TMPRSS11D: variants seen among roughly 807,000 people sequenced by gnomAD.
The protein encoded by TMPRSS11D is transmembrane protease serine 11D.
In TMPRSS11D, 32 loss-of-function variants were observed where a neutral mutation model predicts 44.4. That is an observed-to-expected ratio of 0.72 (90% CI 0.54 to 0.97). The LOEUF (loss-of-function observed/expected upper bound fraction) is 0.97. TMPRSS11D is among the 50% of genes least tolerant of loss of function. The pLI, the probability that TMPRSS11D is intolerant of heterozygous loss-of-function variation, is 0.00. For synonymous variants in TMPRSS11D, 179 were observed against 177.9 expected (o/e 1.01, Z -0.05); for missense variants, 446 against 502.6 (o/e 0.89, Z 1.08).
intron 3 of TMPRSS11D, among the ~76,000 whole-genome samples, chr4:67,848,874 A>T (rs1225589636): frequency 6.6e-6 from 1 of 152,232 alleles, no homozygotes; most frequent in Admixed American, 6.5e-5. Context: ...ACAATGGGAA[A>T]CCATGGAAGT....
chr4:67,857,477 G>T (rs1419649203), intron 2 of TMPRSS11D, among the ~76,000 whole-genome samples: 2 of 151,912 alleles, frequency 1.3e-5, no homozygotes, highest in Admixed American at 1.3e-4. Context: ...AGCCAGGCAT[G>T]GTGGCTCATG....
At position 67,876,347 on chromosome 4, in the gene TMPRSS11D, T is replaced by C. The variant is rs968895306; in HGVS notation, c.8+7579A>G. ...AGATTCTGTTGTATGTTCAATAAAT[T>C]GTAAATTTGGTAGTCTTTCTATATG... On this transcript the variant is annotated intron_variant, in intron 1 of 9. Coordinates refer to ENST00000283916, the MANE Select transcript of TMPRSS11D (RefSeq NM_004262.3). 2.1e-4 allele frequency among the ~76,000 whole-genome samples: 32 copies of C among 152,258 alleles called. No individual in the cohort carries two copies. In the South Asian group the frequency reaches 3.9e-3, roughly 19 times the overall value.
chr4:67,873,615 G>T lies in TMPRSS11D; in HGVS notation c.8+10311C>A, dbSNP rs1719111115. ...TGGGTGAAATAAGTTGTTTAGTCCA[G>T]CACTTCTCAATTTTTAGTGGATATG... On this transcript the variant is annotated intron_variant, in intron 1 of 9. Coordinates refer to ENST00000283916, the MANE Select transcript of TMPRSS11D (RefSeq NM_004262.3). Among the ~76,000 whole-genome samples, 6 of 152,138 alleles carry T rather than the reference G, an allele frequency of 3.9e-5. No individual in the cohort carries two copies. The South Asian group carries it at 1.2e-3, about 31-fold the overall frequency.
Position 67,822,144 on chromosome 4 carries a change from T to G in TMPRSS11D, c.*193A>C. On this transcript the variant is annotated 3_prime_UTR_variant, in exon 10 of 10. Coordinates refer to ENST00000283916, the MANE Select transcript of TMPRSS11D (RefSeq NM_004262.3). ...CAGCCACAGTACTATGCAACATTCA[T>G]ATAGTTCTCTGGAGAAAATAGAAAA... 1.6e-6 allele frequency: 1 copy of G among 617,542 alleles called. No homozygotes were observed. The allele number at this position is 617,542 out of a possible 1,614,324, so 38.3% of individuals were successfully genotyped here.
intron 7 of TMPRSS11D, among the ~76,000 whole-genome samples, chr4:67,830,231 C>T (rs368802244): frequency 3.7e-4 from 56 of 151,928 alleles, no homozygotes; most frequent in East Asian, 1.2e-3. Context: ...TTTGTAGGTG[C>T]GTGCATGTAC....
intron 1 of TMPRSS11D, among the ~76,000 whole-genome samples, chr4:67,876,853 T>A (rs1278414377): frequency 3.3e-5 from 5 of 152,230 alleles, no homozygotes; most frequent in African/African-American, 1.2e-4. Context: ...CAAATAATTG[T>A]CCTTCCCTTG....
At chr4:67,864,025 G>A (rs1718857427) in intron 1 of TMPRSS11D, among the ~76,000 whole-genome samples, 1 of 151,864 alleles carries the variant, frequency 6.6e-6, no homozygotes, top group Non-Finnish European at 1.5e-5. Flanking sequence ...TGGCATGCAT[G>A]CTGTATAAAC....
chr4:67,841,943 G>A (rs948322720), intron 4 of TMPRSS11D, among the ~76,000 whole-genome samples: 6 of 152,138 alleles, frequency 3.9e-5, no homozygotes, highest in African/African-American at 1.4e-4. Flanking sequence ...GAGCAATGTG[G>A]TCATTTGAGA....
intron 3 of TMPRSS11D, 86 bp from the exon 4 acceptor site, chr4:67,842,711 A>G: frequency 1.6e-6 from 2 of 1,216,292 alleles, no homozygotes; most frequent in Non-Finnish European, 1.2e-6. Context: ...AGACATGTTA[A>G]TGAGGAGTAG....
At chr4:67,880,201 C>G (rs1051259719) in intron 1 of TMPRSS11D, among the ~76,000 whole-genome samples, 2 of 152,256 alleles carry the variant, frequency 1.3e-5, no homozygotes, top group South Asian at 4.1e-4. Context: ...TTCTAAGATA[C>G]TGGTGATGCT....
chr4:67,827,412 T>A lies in TMPRSS11D; in HGVS notation c.801A>T (p.Ala267=), dbSNP rs1055695707. 1.2e-5 allele frequency: 20 copies of A among 1,613,136 alleles called. No individual in the cohort carries two copies. The highest frequency in any genetic ancestry group is 1.5e-5 in the Non-Finnish European group (18 of 1,179,540). Reference sequence around the variant, plus strand: ...CAAGTGCAATGTCATTTTCATGAGTTGCAGATTTATAATTGTTATGAATTA... The same window carrying A: ...CAAGTGCAATGTCATTTTCATGAGTAGCAGATTTATAATTGTTATGAATTA... ...NILIHNNYKS[A]THENDIALVR... Residue 267 remains alanine (A), a synonymous_variant, in exon 8 of 10, where the codon GCA becomes GCT. Coordinates refer to ENST00000283916, the MANE Select transcript of TMPRSS11D (RefSeq NM_004262.3).
chr4:67,864,595 C>A (rs2109693779), intron 1 of TMPRSS11D, among the ~76,000 whole-genome samples: 1 of 151,946 alleles, frequency 6.6e-6, no homozygotes, highest in Admixed American at 6.6e-5. Flanking sequence ...GGCTGCATGA[C>A]AGAACTCCTC....
chr4:67,829,755 G>C (rs1228485173), intron 7 of TMPRSS11D, among the ~76,000 whole-genome samples: 2 of 151,964 alleles, frequency 1.3e-5, no homozygotes, highest in Non-Finnish European at 2.9e-5. Flanking sequence ...ACAGCTCTTA[G>C]ATATATGAAA....
chr4:67,847,838 C>G (rs1459165065), intron 3 of TMPRSS11D, among the ~76,000 whole-genome samples: 1 of 152,094 alleles, frequency 6.6e-6, no homozygotes, highest in African/African-American at 2.4e-5. Flanking sequence ...ATTGTTGGTC[C>G]TCCCTGGGAT....
intron 3 of TMPRSS11D, among the ~76,000 whole-genome samples, chr4:67,846,030 ATAT>A (rs1718347331): frequency 1.3e-5 from 2 of 152,184 alleles, no homozygotes; most frequent in Admixed American, 6.5e-5. Flanking sequence ...AGCTTTGCTC[ATAT>A]TATTAGAATA....
chr4:67,840,017 G>A (rs115138843), intron 4 of TMPRSS11D, among the ~76,000 whole-genome samples: 1,350 of 129,048 alleles, frequency 0.01, 17 homozygotes, highest in African/African-American at 0.039. Context: ...CAAAGTCCAT[G>A]TGCTGCTGAT....
rs539543852 is a variant in TMPRSS11D at position 67,825,980 on chromosome 4, T to C, written c.953-106A>G. 1.6e-4 allele frequency: 207 copies of C among 1,305,888 alleles called. No individual in the cohort carries two copies. In the African/African-American group the frequency reaches 2.8e-3, roughly 18 times the overall value. 80.9% of individuals were successfully genotyped at this position (1,305,888 alleles called of 1,614,324 possible). ...AATGTACTCCAAACATTATTTCATA[T>C]TTAACAATGAAGGCTTCTAAAGATT... On this transcript the variant is annotated intron_variant, in intron 8 of 9. Transcript: ENST00000283916.
chr4:67,843,791 C>T (rs1023348161), intron 3 of TMPRSS11D, among the ~76,000 whole-genome samples: 10 of 152,118 alleles, frequency 6.6e-5, no homozygotes, highest in African/African-American at 2.4e-4. Context: ...GGCGTGGTGG[C>T]AAGTGCCTGC....
intron 1 of TMPRSS11D, among the ~76,000 whole-genome samples, chr4:67,869,925 A>G (rs539320805): frequency 1.3e-5 from 2 of 152,054 alleles, no homozygotes; most frequent in African/African-American, 2.4e-5. Context: ...CTTATTTGCT[A>G]TTTTGCAAAT....
Sources: gnomAD v4.1 joint callset for allele counts (sites outside exome capture counted in the v4.1 genomes callset) on GRCh38, gnomAD v4.1.1 for gene constraint, MANE v1.5 for transcripts, NCBI Gene and HGNC (gene_info 2026-07-23, HGNC 2026-07-21) for gene names.